Variants in SMYD3 observed in about 807,000 individuals in gnomAD.
SMYD3 encodes SET and MYND domain containing 3, also known as histone-lysine N-methyltransferase SMYD3.
Under a neutral mutation model 57.7 loss-of-function variants are expected in SMYD3, and 36 were observed. That is an observed-to-expected ratio of 0.62 (90% CI 0.48 to 0.82). The LOEUF (loss-of-function observed/expected upper bound fraction) is 0.82, where lower values mean the gene tolerates loss of function less well. Among genes scored for constraint, SMYD3 ranks in the 40% least tolerant of loss-of-function variants. The pLI, the probability that SMYD3 is intolerant of heterozygous loss-of-function variation, is 0.00. For synonymous variants in SMYD3, 211 were observed against 195.0 expected (o/e 1.08, Z -0.68); for missense variants, 515 against 538.8 (o/e 0.96, Z 0.44).
intron 1 of SMYD3, among the ~76,000 whole-genome samples, chr1:246,449,567 T>C (rs541451037): frequency 1.3e-5 from 2 of 152,290 alleles, no homozygotes; most frequent in South Asian, 2.1e-4. Flanking sequence ...ATAATCTCTT[T>C]GAACGTGAGA....
intron 5 of SMYD3, among the ~76,000 whole-genome samples, chr1:246,036,507 C>T (rs1172626522): frequency 2.7e-5 from 4 of 150,848 alleles, no homozygotes; most frequent in East Asian, 2.0e-4. Context: ...ACTACACATC[C>T]TATTTTATTT....
intron 5 of SMYD3, among the ~76,000 whole-genome samples, chr1:246,222,273 C>T (rs12120252): frequency 0.18 from 27,022 of 152,110 alleles, 2,785 homozygotes; most frequent in East Asian, 0.34. Flanking sequence ...ATTGTGTTCA[C>T]ATTCATCTGA....
chr1:246,255,927 A>AGAT (rs1553320430), intron 5 of SMYD3, among the ~76,000 whole-genome samples: 1 of 121,242 alleles, frequency 8.2e-6, no homozygotes, highest in Admixed American at 8.8e-5. Context: ...CATAACTAAT[A>AGAT]AGATAGATAG....
intron 5 of SMYD3, among the ~76,000 whole-genome samples, chr1:246,218,482 G>C (rs183720335): frequency 1.6e-4 from 24 of 152,092 alleles, no homozygotes; most frequent in South Asian, 2.1e-4. Context: ...AATTAGCCAG[G>C]GGGTGGCGGG....
At chr1:246,154,775 GTTTT>G (rs1394841340) in intron 5 of SMYD3, among the ~76,000 whole-genome samples, 1 of 148,996 alleles carries the variant, frequency 6.7e-6, no homozygotes, top group African/African-American at 2.5e-5. Context: ...TTTTTGTTTT[GTTTT>G]TTGTTTTTTG....
At chr1:246,302,336 C>T (rs973672365) in intron 5 of SMYD3, among the ~76,000 whole-genome samples, 1 of 152,072 alleles carries the variant, frequency 6.6e-6, no homozygotes, top group Non-Finnish European at 1.5e-5. Context: ...CTTAGCAATG[C>T]TAAAAGGAAG....
At chr1:245,934,284 G>A (rs113599690) in intron 5 of SMYD3, among the ~76,000 whole-genome samples, 2,901 of 152,284 alleles carry the variant, frequency 0.019, 97 homozygotes, top group African/African-American at 0.066. Context: ...ACGAAAACCA[G>A]AAGCAGAAGC....
chr1:246,218,482 G>T (rs183720335), intron 5 of SMYD3, among the ~76,000 whole-genome samples: 1 of 152,092 alleles, frequency 6.6e-6, no homozygotes, highest in East Asian at 1.9e-4. Context: ...AATTAGCCAG[G>T]GGGTGGCGGG....
At position 246,166,672 on chromosome 1, in the gene SMYD3, T is replaced by C. The variant is rs113431727; in HGVS notation, c.531+160529A>G. 1.6e-3 allele frequency among the ~76,000 whole-genome samples: 246 copies of C among 152,338 alleles called. 1 individual carries two copies. Among genetic ancestry groups the C allele is most frequent in the African/African-American group, 5.5e-3 (228 of 41,564 alleles). ...AGATAATGTTTGCCTATCACAGTGT[T>C]TGTTTAACTTGCTATTGGCCCAATA... On this transcript the variant is annotated intron_variant, in intron 5 of 11. Coordinates refer to ENST00000490107, the MANE Select transcript of SMYD3 (RefSeq NM_001167740.2).
At chr1:245,751,694 T>C (rs1360436140) in intron 11 of SMYD3, among the ~76,000 whole-genome samples, 1 of 152,046 alleles carries the variant, frequency 6.6e-6, no homozygotes, top group East Asian at 1.9e-4. Context: ...CTGCTCTGAG[T>C]CCAGTTGTGA....
chr1:246,345,251 T>C (rs1025716638), intron 2 of SMYD3, among the ~76,000 whole-genome samples: 5 of 152,212 alleles, frequency 3.3e-5, no homozygotes, highest in East Asian at 1.9e-4. Flanking sequence ...TAGTGAAGAA[T>C]TGTTTTTACT....
At chr1:246,439,248 C>T (rs1397208209) in intron 1 of SMYD3, among the ~76,000 whole-genome samples, 1 of 152,052 alleles carries the variant, frequency 6.6e-6, no homozygotes, top group Non-Finnish European at 1.5e-5. Flanking sequence ...AGGCAAACAC[C>T]ACCACACCCA....
intron 5 of SMYD3, among the ~76,000 whole-genome samples, chr1:246,032,939 A>G (rs2059703851): frequency 6.6e-6 from 1 of 152,154 alleles, no homozygotes; most frequent in South Asian, 2.1e-4. Flanking sequence ...AATTTCCTCA[A>G]ATGTATATAA....
chr1:245,839,173 T>C (rs1031166590), intron 10 of SMYD3, among the ~76,000 whole-genome samples: 13 of 152,182 alleles, frequency 8.5e-5, no homozygotes, highest in Non-Finnish European at 1.9e-4. Flanking sequence ...TTATTTTATT[T>C]TAATTTTTAT....
intron 5 of SMYD3, among the ~76,000 whole-genome samples, chr1:246,182,719 C>T (rs544361562): frequency 6.6e-6 from 1 of 152,286 alleles, no homozygotes; most frequent in African/African-American, 2.4e-5. Flanking sequence ...GATTAGAATC[C>T]TGTATCTGGA....
chr1:245,918,711 G>A (rs1178050023), intron 7 of SMYD3, among the ~76,000 whole-genome samples: 1 of 152,160 alleles, frequency 6.6e-6, no homozygotes, highest in Non-Finnish European at 1.5e-5. Flanking sequence ...ATACTATCAG[G>A]CTCTGTGGGT....
intron 5 of SMYD3, among the ~76,000 whole-genome samples, chr1:246,022,885 C>T (rs1056789875): frequency 1.3e-5 from 2 of 152,184 alleles, no homozygotes; most frequent in African/African-American, 2.4e-5. Flanking sequence ...AAAATAGCAA[C>T]CTTAACTCTA....
At chr1:246,419,764 T>C (rs2067115355) in intron 1 of SMYD3, among the ~76,000 whole-genome samples, 1 of 152,192 alleles carries the variant, frequency 6.6e-6, no homozygotes, top group Non-Finnish European at 1.5e-5. Context: ...CTTATGAGAA[T>C]CTAATACCTG....
chr1:245,909,086 G>C (rs1054714788), intron 8 of SMYD3, among the ~76,000 whole-genome samples: 1 of 152,024 alleles, frequency 6.6e-6, no homozygotes, highest in Non-Finnish European at 1.5e-5. Flanking sequence ...GAAAGAAAAA[G>C]ACTCAAATAA....
Sources: gnomAD v4.1 joint callset for allele counts (sites outside exome capture counted in the v4.1 genomes callset) on GRCh38, gnomAD v4.1.1 for gene constraint, MANE v1.5 for transcripts, NCBI Gene and HGNC (gene_info 2026-07-23, HGNC 2026-07-21) for gene names.